CHID1: variants seen among roughly 807,000 people sequenced by gnomAD.
CHID1 encodes the protein chitinase domain-containing protein 1.
A neutral mutation model predicts 55.4 loss-of-function variants in CHID1; 44 were observed. The observed-to-expected ratio is 0.79, with a 90% CI of 0.62 to 1.02. The LOEUF is 1.02. Among genes scored for constraint, CHID1 ranks in the 50% least tolerant of loss-of-function variants. The pLI is 0.00. For missense variants in CHID1, 491 were observed against 515.3 expected, an observed-to-expected ratio of 0.95 and a Z score of 0.46; for synonymous variants, 216 against 212.9, an observed-to-expected ratio of 1.01 and a Z score of -0.13.
intron 10 of CHID1, among the ~76,000 whole-genome samples, chr11:870,991 T>C (rs1337180284): frequency 8.2e-3 from 9 of 1,096 alleles, no homozygotes; most frequent in African/African-American, 0.029. Flanking sequence ...TTCTGCACCT[T>C]TTTTTTTTTT....
In CHID1 at chr11:869,522, T is replaced by G; in HGVS notation, c.*336A>C. On this transcript the variant is annotated 3_prime_UTR_variant, in exon 13 of 13. Coordinates refer to ENST00000323578, the MANE Select transcript of CHID1 (RefSeq NM_023947.4). ...TGGTTCCAGAGCTTCCAAACCCACA[T>G]CCAGCCCAGGATGTGAGAAGCAGCC... 2.5e-6 allele frequency: 1 copy of G among 403,334 alleles called. No homozygotes were observed. The highest frequency in any genetic ancestry group is 4.5e-6 in the Non-Finnish European group (1 of 219,806). The allele number at this position is 403,334 out of a possible 1,614,324, so 25.0% of individuals were successfully genotyped here. A position where few individuals can be genotyped will look rare whatever the true frequency, so the allele number is the denominator to read the frequency against.
At chr11:899,976 A>G in intron 6 of CHID1, 28 bp downstream of exon 6, 1 of 1,563,860 alleles carries the variant, frequency 6.4e-7, no homozygotes, top group Non-Finnish European at 8.8e-7. Flanking sequence ...GGCTGTGCTC[A>G]GAGGCTGGAG....
intron 2 of CHID1, among the ~76,000 whole-genome samples, chr11:904,364 C>T (rs772486304): frequency 6.6e-6 from 1 of 152,148 alleles, no homozygotes; most frequent in Non-Finnish European, 1.5e-5. Flanking sequence ...CAGCTCAAGG[C>T]CATGATAAAG....
chr11:876,335 G>T (rs1318085874), intron 10 of CHID1, among the ~76,000 whole-genome samples: 3 of 152,204 alleles, frequency 2.0e-5, no homozygotes, highest in South Asian at 2.1e-4. Flanking sequence ...GTCCAGGGCA[G>T]GACCACAGGG....
At chr11:913,724 G>T (rs1035424752), upstream of CHID1, among the ~76,000 whole-genome samples, 1 of 149,770 alleles carries the variant, frequency 6.7e-6, no homozygotes, top group Non-Finnish European at 1.5e-5. Context: ...AGTGAGCTGA[G>T]ATTGAGCCAC....
chr11:877,377 G>A (rs998928500), intron 10 of CHID1, among the ~76,000 whole-genome samples: 1 of 152,190 alleles, frequency 6.6e-6, no homozygotes, highest in Non-Finnish European at 1.5e-5. Context: ...CTGAGTGGCT[G>A]GGACCACAGG....
intron 1 of CHID1, among the ~76,000 whole-genome samples, chr11:910,159 G>A (rs1852551619): frequency 6.6e-6 from 1 of 152,166 alleles, no homozygotes; most frequent in African/African-American, 2.4e-5. Context: ...AGTCGAGGCG[G>A]ACGGGCGGGC....
At chr11:902,130 C>A (rs1159747497) in intron 4 of CHID1, 68 bp downstream of exon 4, 1 of 1,588,254 alleles carries the variant, frequency 6.3e-7, no homozygotes, top group African/African-American at 1.3e-5. Context: ...ACACACACAC[C>A]CCTGCTCTCG....
chr11:873,274 G>A (rs959629323), intron 10 of CHID1, among the ~76,000 whole-genome samples: 1 of 152,134 alleles, frequency 6.6e-6, no homozygotes, highest in Admixed American at 6.5e-5. Flanking sequence ...TCCTCAGAGG[G>A]CCGCAGACAC....
intron 10 of CHID1, among the ~76,000 whole-genome samples, chr11:877,156 C>T (rs1012394145): frequency 6.6e-6 from 1 of 152,220 alleles, no homozygotes; most frequent in African/African-American, 2.4e-5. Flanking sequence ...TGAGGGCATA[C>T]ACCCCCACAC....
At chr11:895,109 GC>G (rs1851164763) in intron 7 of CHID1, among the ~76,000 whole-genome samples, 1 of 152,140 alleles carries the variant, frequency 6.6e-6, no homozygotes, top group African/African-American at 2.4e-5. Context: ...TGCTGCCCCC[GC>G]CCCTGAAACA....
intron 10 of CHID1, among the ~76,000 whole-genome samples, chr11:880,061 G>A (rs138099611): frequency 6.6e-6 from 1 of 152,340 alleles, no homozygotes; most frequent in Non-Finnish European, 1.5e-5. Flanking sequence ...CAGGGCGGCC[G>A]GGCCCCTCAC....
intron 10 of CHID1, among the ~76,000 whole-genome samples, chr11:873,659 G>A (rs532154919): frequency 2.6e-5 from 4 of 152,302 alleles, no homozygotes; most frequent in Admixed American, 2.0e-4. Flanking sequence ...GAAACATCCA[G>A]AACAGACAAA....
intron 10 of CHID1, among the ~76,000 whole-genome samples, chr11:877,399 A>G (rs758811179): frequency 3.3e-5 from 5 of 152,200 alleles, no homozygotes; most frequent in African/African-American, 4.8e-5. Flanking sequence ...GTGCACCACC[A>G]TACCGGCTAA....
chr11:912,817 G>A (rs948521250), upstream of CHID1, among the ~76,000 whole-genome samples: 1 of 146,910 alleles, frequency 6.8e-6, no homozygotes, highest in Non-Finnish European at 1.5e-5. Flanking sequence ...CAGCCTGGGC[G>A]ACAGAGTGAG....
chr11:913,951 T>G (rs544709701), upstream of CHID1, among the ~76,000 whole-genome samples: 1 of 149,932 alleles, frequency 6.7e-6, no homozygotes, highest in Non-Finnish European at 1.5e-5. Context: ...ACCTGTAATC[T>G]CAGCTCCTCA....
chr11:884,172 G>T lies in CHID1; in HGVS notation c.702-3C>A. ...TGAACATGCCCAGCTGGTCGGTCCT[G>T]TAACAGACAGGTGCAGCCACCTCAG... On this transcript the variant is annotated splice_polypyrimidine_tract_variant and splice_region_variant and intron_variant, in intron 8 of 12. Transcript: ENST00000323578. 6.2e-7 allele frequency: 1 copy of T among 1,613,290 alleles called. No homozygotes were observed. Among genetic ancestry groups the T allele is most frequent in the South Asian group, 1.1e-5 (1 of 91,050 alleles).
intron 10 of CHID1, among the ~76,000 whole-genome samples, chr11:876,186 C>A (rs1849504901): frequency 6.6e-6 from 1 of 152,154 alleles, no homozygotes. Context: ...GAGAAAGGGC[C>A]AGGGAGAAGA....
chr11:908,696 G>A (rs1589913804), intron 1 of CHID1: 8 of 798,986 alleles, frequency 1.0e-5, no homozygotes, highest in Non-Finnish European at 1.2e-5. Flanking sequence ...TGGTTCTCCA[G>A]GGGACTGGCC....
Sources: allele counts gnomAD v4.1 joint callset (sites outside exome capture counted in the v4.1 genomes callset), GRCh38; gene constraint gnomAD v4.1.1; transcripts MANE v1.5; gene names NCBI Gene and HGNC (gene_info 2026-07-23, HGNC 2026-07-21).